Variants in TGFBR3 observed in about 807,000 individuals in gnomAD.
TGFBR3 encodes the protein transforming growth factor beta receptor 3.
Under a neutral mutation model 87.9 loss-of-function variants are expected in TGFBR3, and 46 were observed. That is an observed-to-expected ratio of 0.52 (90% CI 0.41 to 0.67). TGFBR3 has a LOEUF of 0.67. Among genes scored for constraint, TGFBR3 ranks in the 30% least tolerant of loss-of-function variants. The pLI, the probability that TGFBR3 is intolerant of heterozygous loss-of-function variation, is 0.00. For synonymous variants in TGFBR3, 381 were observed against 391.6 expected, an observed-to-expected ratio of 0.97 and a Z score of 0.32; for missense variants, 866 against 1,041.9, an observed-to-expected ratio of 0.83 and a Z score of 2.32.
At chr1:91,861,894 T>G (rs1445893479) in intron 1 of TGFBR3, 1 of 314,616 alleles carries the variant, frequency 3.2e-6, no homozygotes, top group Non-Finnish European at 6.1e-6. Flanking sequence ...TCTCTCTCTG[T>G]CGCCAAGCTG....
chr1:91,890,442 A>T (rs190221029), upstream of TGFBR3, among the ~76,000 whole-genome samples: 2 of 41,172 alleles, frequency 4.9e-5, no homozygotes, highest in Admixed American at 3.4e-4. Context: ...TTTTTGAGAC[A>T]CAGTTTCCGT....
At chr1:91,777,730 T>A (rs1365508118) in intron 3 of TGFBR3, among the ~76,000 whole-genome samples, 3 of 152,180 alleles carry the variant, frequency 2.0e-5, no homozygotes, top group Admixed American at 6.5e-5. Flanking sequence ...TTTAGGGCGA[T>A]GAGATGTTTC....
At chr1:91,886,376 C>G (rs1291296685), upstream of TGFBR3, 5 of 342,536 alleles carry the variant, frequency 1.5e-5, no homozygotes, top group Admixed American at 1.5e-4. Context: ...GAATGCTGCT[C>G]GAGCCTGTGC....
At position 91,721,979 on chromosome 1, in the gene TGFBR3, A is replaced by T. The variant is rs11466592; in HGVS notation, c.1051T>A (p.Phe351Ile). The change falls in exon 8 of 17, where the codon TTT becomes ATT. Residue 351 changes from phenylalanine (F) to isoleucine (I), a missense_variant. Transcript: ENST00000212355. ...SYTMAPVANRFHLRLENNAEE... is the reference protein window; with the variant it reads ...SYTMAPVANRIHLRLENNAEE... ...CCATTATTTTCAAGCCGAAGATGAA[A>T]TCTATTAGCCACAGGAGCCATTGTG... 2.7e-4 allele frequency: 439 copies of T among 1,613,262 alleles called. 1 individual carries two copies. In the African/African-American group the frequency reaches 5.3e-3, roughly 19 times the overall value.
At chr1:91,799,678 A>G (rs1675528617) in intron 2 of TGFBR3, among the ~76,000 whole-genome samples, 1 of 152,172 alleles carries the variant, frequency 6.6e-6, no homozygotes, top group South Asian at 2.1e-4. Flanking sequence ...CCATTCTTGT[A>G]TGTGTGCAAA....
intron 3 of TGFBR3, among the ~76,000 whole-genome samples, chr1:91,784,005 A>G (rs1270512452): frequency 6.6e-6 from 1 of 152,174 alleles, no homozygotes; most frequent in Non-Finnish European, 1.5e-5. Context: ...GGAGCTGCAT[A>G]GAGTTGAAAA....
chr1:91,858,508 G>A (rs533309540), intron 2 of TGFBR3, among the ~76,000 whole-genome samples: 3 of 150,340 alleles, frequency 2.0e-5, no homozygotes, highest in South Asian at 4.2e-4. Context: ...CCATCTACTC[G>A]GGAGGTTGAG....
At chr1:91,727,122 G>T (rs7532589) in intron 7 of TGFBR3, among the ~76,000 whole-genome samples, 31,663 of 152,118 alleles carry the variant, frequency 0.21, 3,689 homozygotes, top group Non-Finnish European at 0.26. Context: ...TCTTCTATCA[G>T]TGTTTCACAC....
At chr1:91,844,207 G>A (rs1677393598) in intron 2 of TGFBR3, among the ~76,000 whole-genome samples, 1 of 152,150 alleles carries the variant, frequency 6.6e-6, no homozygotes, top group Non-Finnish European at 1.5e-5. Flanking sequence ...TAGAGCAAAG[G>A]CAGCCAGGCC....
At chr1:91,741,548 C>CA (rs1207381014) in intron 4 of TGFBR3, among the ~76,000 whole-genome samples, 1 of 152,180 alleles carries the variant, frequency 6.6e-6, no homozygotes, top group Non-Finnish European at 1.5e-5. Context: ...TCCCCTCCTT[C>CA]AGAGGGGTGG....
chr1:91,829,573 T>C (rs903037075), intron 2 of TGFBR3, among the ~76,000 whole-genome samples: 1 of 151,992 alleles, frequency 6.6e-6, no homozygotes, highest in Non-Finnish European at 1.5e-5. Flanking sequence ...AGCAGTCCCC[T>C]CAAAGGAAGC....
At chr1:91,854,240 T>C (rs1035208082) in intron 2 of TGFBR3, among the ~76,000 whole-genome samples, 14 of 152,108 alleles carry the variant, frequency 9.2e-5, no homozygotes, top group South Asian at 2.1e-4. Context: ...ATGACCCCTG[T>C]AGAGGTGACC....
chr1:91,751,257 C>T (rs1673530597), intron 4 of TGFBR3, among the ~76,000 whole-genome samples: 1 of 152,122 alleles, frequency 6.6e-6, no homozygotes, highest in African/African-American at 2.4e-5. Flanking sequence ...CAATAGAATA[C>T]AGAATTTTTT....
chr1:91,750,316 CT>C (rs1036271655), intron 4 of TGFBR3, among the ~76,000 whole-genome samples: 5 of 152,220 alleles, frequency 3.3e-5, no homozygotes, highest in Non-Finnish European at 7.3e-5. Context: ...TCAAAAACCC[CT>C]TCTGGACCAG....
At chr1:91,859,982 C>CAGCTGACT (rs1678115576) in intron 2 of TGFBR3, among the ~76,000 whole-genome samples, 2 of 151,868 alleles carry the variant, frequency 1.3e-5, no homozygotes, top group Admixed American at 6.6e-5. Context: ...CAGTTTCTGC[C>CAGCTGACT]AGCTGACTCT....
At chr1:91,693,001 T>C (rs2100708172) in intron 16 of TGFBR3, among the ~76,000 whole-genome samples, 1 of 152,358 alleles carries the variant, frequency 6.6e-6, no homozygotes, top group Admixed American at 6.5e-5. Context: ...CTGTTGAAAT[T>C]GAACGGACTG....
At chr1:91,692,496 T>C (rs1044240285) in intron 16 of TGFBR3, among the ~76,000 whole-genome samples, 1 of 152,106 alleles carries the variant, frequency 6.6e-6, no homozygotes, top group Admixed American at 6.6e-5. Context: ...AATAAAAGCA[T>C]TTGTTCCTCC....
At chr1:91,773,242 ATT>A (rs3039444) in intron 3 of TGFBR3, among the ~76,000 whole-genome samples, 69,617 of 148,044 alleles carry the variant, frequency 0.47, 17,126 homozygotes, top group African/African-American at 0.63. Context: ...TAAATAAATG[ATT>A]TTTTTTTTTT....
chr1:91,813,818 CGAG>C (rs1676108226), intron 2 of TGFBR3, among the ~76,000 whole-genome samples: 1 of 152,136 alleles, frequency 6.6e-6, no homozygotes, highest in Non-Finnish European at 1.5e-5. Flanking sequence ...TTCCACAGAC[CGAG>C]GAGGAGAGGA....
Sources: gnomAD v4.1 joint callset for allele counts (sites outside exome capture counted in the v4.1 genomes callset) on GRCh38, gnomAD v4.1.1 for gene constraint, MANE v1.5 for transcripts, NCBI Gene and HGNC (gene_info 2026-07-23, HGNC 2026-07-21) for gene names.